MID1: variants seen among roughly 807,000 people sequenced by gnomAD.
MID1 encodes the protein E3 ubiquitin-protein ligase Midline-1.
A neutral mutation model predicts 40.4 loss-of-function variants in MID1; 7 were observed. That is an observed-to-expected ratio of 0.17 (90% CI 0.10 to 0.33). The LOEUF (loss-of-function observed/expected upper bound fraction) is 0.33. Among genes scored for constraint, MID1 ranks in the 10% least tolerant of loss-of-function variants. MID1 has a pLI of 1.00. For missense variants in MID1, 367 were observed against 558.5 expected (o/e 0.66, Z 3.46); for synonymous variants, 229 against 221.2 (o/e 1.04, Z -0.31).
At chrX:10,744,343 G>A (rs975179474) in intron 1 of MID1, among the ~76,000 whole-genome samples, 1 of 112,255 alleles carries the variant, frequency 8.9e-6, no homozygotes, top group South Asian at 3.8e-4. Flanking sequence ...GAAGGTGGCT[G>A]GGATTAGGAA....
At chrX:10,644,267 T>C (rs1473085892) in intron 1 of MID1, among the ~76,000 whole-genome samples, 1 of 110,899 alleles carries the variant, frequency 9.0e-6, no homozygotes, top group Non-Finnish European at 1.9e-5. Flanking sequence ...TTTAAATGCA[T>C]TGATAAAGGA....
At chrX:10,474,534 C>T in intron 6 of MID1, 89 bp downstream of exon 6, 2 of 975,549 alleles carry the variant, frequency 2.1e-6, no homozygotes, top group Non-Finnish European at 2.9e-6. Context: ...AAGCCCATTC[C>T]TCTGGTTATT....
chrX:10,510,824 C>T (rs1231824547), intron 3 of MID1, among the ~76,000 whole-genome samples: 1 of 61,967 alleles, frequency 1.6e-5, no homozygotes, highest in Non-Finnish European at 2.7e-5. Flanking sequence ...GAGCAAGACT[C>T]TGTCTCAAAA....
intron 1 of MID1, among the ~76,000 whole-genome samples, chrX:10,707,595 A>G (rs2043239879): frequency 8.9e-6 from 1 of 112,439 alleles, no homozygotes; most frequent in Admixed American, 9.5e-5. Flanking sequence ...CTAATGAAAG[A>G]TATATAACTT....
intron 1 of MID1, among the ~76,000 whole-genome samples, chrX:10,580,424 G>T (rs1256918431): frequency 9.0e-6 from 1 of 111,147 alleles, no homozygotes; most frequent in Non-Finnish European, 1.9e-5. Context: ...GAACTCCCAG[G>T]GAAACTAGGC....
At chrX:10,756,988 T>C in intron 1 of MID1, among the ~76,000 whole-genome samples, 1 of 111,729 alleles carries the variant, frequency 9.0e-6, no homozygotes, top group Non-Finnish European at 1.9e-5. Context: ...ATGACATGAA[T>C]ACCAGGAGCA....
At chrX:10,811,879 G>A (rs972514235) in intron 1 of MID1, among the ~76,000 whole-genome samples, 9 of 111,894 alleles carry the variant, frequency 8.0e-5, no homozygotes, top group Admixed American at 2.9e-4. Context: ...ATAAAAGGCC[G>A]TCCTTTTTCC....
intron 7 of MID1, among the ~76,000 whole-genome samples, chrX:10,464,428 T>C (rs1929224524): frequency 1.8e-5 from 2 of 112,228 alleles, no homozygotes; most frequent in Non-Finnish European, 3.8e-5. Flanking sequence ...GAAGCTCTGG[T>C]ATTGAGTTAG....
intron 1 of MID1, among the ~76,000 whole-genome samples, chrX:10,652,351 T>C (rs1329751889): frequency 9.0e-6 from 1 of 111,343 alleles, no homozygotes; most frequent in Admixed American, 9.5e-5. Context: ...TTTTTTGTTG[T>C]TGTTGTTTTT....
At chrX:10,620,806 G>A (rs892957029), upstream of MID1, among the ~76,000 whole-genome samples, 6 of 112,356 alleles carry the variant, frequency 5.3e-5, no homozygotes, top group African/African-American at 1.6e-4. Context: ...AGCTTAACTA[G>A]CTAAGGGCCT....
intron 7 of MID1, chrX:10,469,414 ATCTCTCTATATATTTGTT>A (rs960043667): frequency 8.5e-6 from 9 of 1,057,701 alleles, no homozygotes; most frequent in South Asian, 2.6e-5. Flanking sequence ...CTCTCTATGT[ATCTCTCTATATATTTGTT>A]TCTCTCTATA....
chrX:10,821,477 C>T (rs2044174426), intron 1 of MID1, among the ~76,000 whole-genome samples: 1 of 112,210 alleles, frequency 8.9e-6, no homozygotes. Flanking sequence ...TACTAGGACA[C>T]TAGTACTAAG....
chrX:10,613,229 G>A (rs757174805), intron 1 of MID1, among the ~76,000 whole-genome samples: 6 of 111,349 alleles, frequency 5.4e-5, no homozygotes, highest in African/African-American at 2.0e-4. Flanking sequence ...ACAGTCTACC[G>A]CATAGACCCT....
chrX:10,504,613 G>C (rs1010306983), intron 3 of MID1, among the ~76,000 whole-genome samples: 1 of 111,493 alleles, frequency 9.0e-6, no homozygotes, highest in Non-Finnish European at 1.9e-5. Flanking sequence ...AGCTTTGGAA[G>C]CTATAACATG....
In MID1 at chrX:10,465,212, T is replaced by TACAC. The variant is rs1291317865; in HGVS notation, c.1285+4484_1285+4485insGTGT. On this transcript the variant is annotated intron_variant, in intron 7 of 9. Coordinates refer to ENST00000317552, the MANE Select transcript of MID1 (RefSeq NM_000381.4). ...TTATATATATATATATATATATATATATACACACACACACACACACACACA... is the reference window on the plus strand; with the variant it reads ...TTATATATATATATATATATATATATACACATACACACACACACACACACACACA... Among the ~76,000 whole-genome samples, 320 of 55,921 alleles carry TACAC rather than the reference T, an allele frequency of 5.7e-3. 1 individual carries two copies. Among genetic ancestry groups the TACAC allele is most frequent in the African/African-American group, 8.6e-3 (77 of 8,909 alleles). The allele number at this position is 55,921 out of a possible 115,157, so 48.6% of individuals were successfully genotyped here.
At chrX:10,788,803 G>A (rs1167342003) in intron 1 of MID1, among the ~76,000 whole-genome samples, 2 of 111,811 alleles carry the variant, frequency 1.8e-5, no homozygotes, top group East Asian at 2.8e-4. Flanking sequence ...TTTAGAAATC[G>A]TTTGCTAAGG....
At chrX:10,808,008 A>G (rs1032604442) in intron 1 of MID1, among the ~76,000 whole-genome samples, 4 of 112,719 alleles carry the variant, frequency 3.5e-5, no homozygotes, top group Non-Finnish European at 7.5e-5. Flanking sequence ...AAGGGGTAAC[A>G]GGTTCTACAT....
chrX:10,810,310 T>C (rs2044088286), intron 1 of MID1, among the ~76,000 whole-genome samples: 1 of 112,621 alleles, frequency 8.9e-6, no homozygotes, highest in Non-Finnish European at 1.9e-5. Flanking sequence ...CATAATGTCT[T>C]CAAGTTTTAT....
chrX:10,774,168 A>G (rs1602569529), intron 1 of MID1, among the ~76,000 whole-genome samples: 1 of 111,271 alleles, frequency 9.0e-6, no homozygotes, highest in Admixed American at 9.6e-5. Flanking sequence ...TTGTACCAAC[A>G]AGAAGGAGGT....
Sources: allele counts gnomAD v4.1 joint callset (sites outside exome capture counted in the v4.1 genomes callset), GRCh38; gene constraint gnomAD v4.1.1; transcripts MANE v1.5; gene names NCBI Gene and HGNC (gene_info 2026-07-23, HGNC 2026-07-21).